Variants in GRM5 observed in about 807,000 individuals in gnomAD.
The protein encoded by GRM5 is glutamate metabotropic receptor 5.
GRM5 carries 19 observed loss-of-function variants against 83.1 expected under a neutral mutation model. The observed-to-expected ratio is 0.23, with a 90% CI of 0.16 to 0.34. The LOEUF (loss-of-function observed/expected upper bound fraction) is 0.34. Ranked by LOEUF, GRM5 falls within the 10% of genes least tolerant of loss-of-function variation. The probability of loss-of-function intolerance (pLI) is 1.00; values close to 1 mark genes in which losing one functional copy is unlikely to be tolerated. For missense variants in GRM5, 1,160 were observed against 1,588.3 expected (o/e 0.73, Z 4.58); for synonymous variants, 675 against 633.6 (o/e 1.07, Z -0.98).
chr11:88,997,729 T>C (rs1408131088), intron 2 of GRM5, among the ~76,000 whole-genome samples: 3 of 152,192 alleles, frequency 2.0e-5, no homozygotes, highest in East Asian at 3.9e-4. Flanking sequence ...ATGAAATGCA[T>C]AGACAATCAC....
At chr11:88,607,292 CT>C (rs1938181018) in intron 4 of GRM5, among the ~76,000 whole-genome samples, 1 of 152,192 alleles carries the variant, frequency 6.6e-6, no homozygotes, top group African/African-American at 2.4e-5. Flanking sequence ...AAGTCAAACA[CT>C]TTTGAATCAC....
At chr11:88,930,704 C>T (rs148803306) in intron 2 of GRM5, among the ~76,000 whole-genome samples, 1,832 of 152,042 alleles carry the variant, frequency 0.012, 44 homozygotes, top group African/African-American at 0.042. Flanking sequence ...TCCGCCACCA[C>T]GCCCAGCTAA....
chr11:88,758,654 C>T (rs893710164), intron 3 of GRM5, among the ~76,000 whole-genome samples: 5 of 152,120 alleles, frequency 3.3e-5, no homozygotes, highest in African/African-American at 1.2e-4. Context: ...ATGGAATCAA[C>T]TTGGAAAGCA....
chr11:89,016,019 A>G (rs1332272258), intron 2 of GRM5, among the ~76,000 whole-genome samples: 2 of 152,130 alleles, frequency 1.3e-5, no homozygotes, highest in East Asian at 3.9e-4. Context: ...AGATATTGAA[A>G]CAATCAAAAC....
chr11:88,679,868 AAT>A (rs1288709193), intron 3 of GRM5, among the ~76,000 whole-genome samples: 1 of 152,160 alleles, frequency 6.6e-6, no homozygotes, highest in Non-Finnish European at 1.5e-5. Context: ...TCTATTTATG[AAT>A]ACACTTTCTC....
rs1941241897 is a variant in GRM5 at position 88,508,515 on chromosome 11, T to C, written c.*77A>G. On this transcript the variant is annotated 3_prime_UTR_variant, in exon 10 of 10. Coordinates refer to ENST00000305447, the MANE Select transcript of GRM5 (RefSeq NM_001143831.3). The surrounding 1 kb of genome is among the most constrained non-coding windows in gnomAD (Gnocchi z 4.2). ...TCCCCCTGGGCCGTAACCAGGCGAC[T>C]ATGCTTGCCATTGTGTGTGTGTGAA... The C allele has an allele frequency of 3.3e-6, 4 of 1,226,222 alleles. No individual in the cohort carries two copies. The highest frequency in any genetic ancestry group is 4.7e-6 in the Non-Finnish European group (4 of 859,614). The allele number at this position is 1,226,222 out of a possible 1,614,324, so 76.0% of individuals were successfully genotyped here.
At chr11:88,925,918 A>T (rs533958022) in intron 2 of GRM5, 62 of 278,688 alleles carry the variant, frequency 2.2e-4, no homozygotes, top group African/African-American at 1.3e-3. Context: ...CAAAAAAAAT[A>T]AAAAAGTGAG....
intron 3 of GRM5, among the ~76,000 whole-genome samples, chr11:88,800,654 C>A (rs752732701): frequency 6.6e-6 from 1 of 152,038 alleles, no homozygotes; most frequent in Non-Finnish European, 1.5e-5. Flanking sequence ...AATGGACTAG[C>A]CAAGGGACAT....
At chr11:88,788,158 A>C (rs1382846078) in intron 3 of GRM5, among the ~76,000 whole-genome samples, 1 of 152,190 alleles carries the variant, frequency 6.6e-6, no homozygotes, top group Non-Finnish European at 1.5e-5. Context: ...TCCTTAGATC[A>C]GAACAGGCCA....
intron 2 of GRM5, among the ~76,000 whole-genome samples, chr11:89,046,453 T>G (rs1320670868): frequency 1.3e-5 from 2 of 152,016 alleles, no homozygotes; most frequent in Admixed American, 6.5e-5. Context: ...TCAAAACAAA[T>G]TTTTTCCAAA....
chr11:88,966,679 C>A (rs1285273995), intron 2 of GRM5, among the ~76,000 whole-genome samples: 1 of 151,990 alleles, frequency 6.6e-6, no homozygotes, highest in Non-Finnish European at 1.5e-5. Flanking sequence ...ATAGATAGAC[C>A]TAATAAAGGT....
rs914405900 is a variant in GRM5, at chr11:88,537,679, T to C, written c.2631-12275A>G. ...TTCAATATCATCTCTCAACCTTCTA[T>C]CTATCTATATATGTAAATATATTGG... On this transcript the variant is annotated intron_variant, in intron 8 of 9. Coordinates refer to ENST00000305447, the MANE Select transcript of GRM5 (RefSeq NM_001143831.3). Among the ~76,000 whole-genome samples the C allele has an allele frequency of 2.0e-5, 3 of 152,186 alleles. No individual in the cohort carries two copies. The East Asian group carries it at 5.8e-4, about 29-fold the overall frequency.
chr11:88,745,250 G>T (rs998063262), intron 3 of GRM5, among the ~76,000 whole-genome samples: 4 of 149,026 alleles, frequency 2.7e-5, no homozygotes, highest in Non-Finnish European at 5.9e-5. Flanking sequence ...ACCCAGGCTG[G>T]AGTGCAGTGG....
intron 9 of GRM5, among the ~76,000 whole-genome samples, chr11:88,523,176 G>C (rs1422660279): frequency 6.6e-6 from 1 of 152,170 alleles, no homozygotes; most frequent in East Asian, 1.9e-4. Context: ...TCTCCTACAT[G>C]AATGGATTAC....
intron 3 of GRM5, among the ~76,000 whole-genome samples, chr11:88,778,091 G>T (rs1285923440): frequency 6.6e-6 from 1 of 151,816 alleles, no homozygotes; most frequent in Admixed American, 6.6e-5. Flanking sequence ...AGGCCTTGTT[G>T]ACCTGTGATG....
intron 2 of GRM5, among the ~76,000 whole-genome samples, chr11:88,951,646 C>G (rs920865194): frequency 6.6e-6 from 1 of 152,320 alleles, no homozygotes; most frequent in Admixed American, 6.5e-5. Context: ...AGAGGAGAAA[C>G]AGTAGCAACT....
chr11:88,688,637 G>T (rs1351847361), intron 3 of GRM5, among the ~76,000 whole-genome samples: 1 of 152,082 alleles, frequency 6.6e-6, no homozygotes, highest in Non-Finnish European at 1.5e-5. Flanking sequence ...ATTTTGTTTA[G>T]TTATATAGAC....
At chr11:88,605,405 T>C (rs1353627025) in intron 4 of GRM5, among the ~76,000 whole-genome samples, 2 of 151,774 alleles carry the variant, frequency 1.3e-5, no homozygotes, top group South Asian at 2.1e-4. Context: ...TATTCCACCA[T>C]CTGATATAAA....
At chr11:88,647,181 C>T (rs4106126) in intron 4 of GRM5, among the ~76,000 whole-genome samples, 3,147 of 151,994 alleles carry the variant, frequency 0.021, 88 homozygotes, top group East Asian at 0.12. Flanking sequence ...TCTATCATAC[C>T]GAATTAGGGG....
Sources: gnomAD v4.1 joint callset for allele counts (sites outside exome capture counted in the v4.1 genomes callset) on GRCh38, gnomAD v4.1.1 for gene constraint, Gnocchi (gnomAD v3.1) non-coding constraint, MANE v1.5 for transcripts, NCBI Gene and HGNC (gene_info 2026-07-23, HGNC 2026-07-21) for gene names.